The following PACC1 variants were observed in gnomAD, a reference collection of about 807,000 sequenced individuals.
PACC1 encodes the protein proton-activated chloride channel.
A neutral mutation model predicts 39.7 loss-of-function variants in PACC1; 34 were observed. The ratio of observed to expected loss-of-function variants is 0.86; its 90% CI spans 0.65 to 1.14. The LOEUF (loss-of-function observed/expected upper bound fraction) is 1.14, where lower values mean the gene tolerates loss of function less well. Ranked by LOEUF, PACC1 falls within the 50% of genes most tolerant of loss-of-function variation. The pLI, the probability that PACC1 is intolerant of heterozygous loss-of-function variation, is 0.00. For synonymous variants in PACC1, 127 were observed against 160.6 expected, an observed-to-expected ratio of 0.79 and a Z score of 1.58; for missense variants, 379 against 436.4, an observed-to-expected ratio of 0.87 and a Z score of 1.17.
rs139101293 is a variant in PACC1 at position 212,364,149 on chromosome 1, T to A, written c.*1066A>T. 96 of 152,332 alleles carry A rather than the reference T, an allele frequency of 6.3e-4. No individual in the cohort carries two copies. Among genetic ancestry groups the A allele is most frequent in the Middle Eastern group, 3.4e-3 (1 of 294 alleles). 9.4% of individuals were successfully genotyped at this position (152,332 alleles called of 1,614,324 possible). A position where few individuals can be genotyped will look rare whatever the true frequency, so the allele number is the denominator to read the frequency against. ...TTAATGTGAAAAATAGACTTTTTTT[T>A]AATGCATACTCATTTCTGTCAAAGG... On this transcript the variant is annotated 3_prime_UTR_variant, in exon 8 of 8. Coordinates refer to ENST00000261455, the MANE Select transcript of PACC1 (RefSeq NM_018252.3).
chr1:212,391,784 A>C (rs945755527), intron 2 of PACC1, among the ~76,000 whole-genome samples: 2 of 152,254 alleles, frequency 1.3e-5, no homozygotes, highest in Non-Finnish European at 2.9e-5. Context: ...CATGAGAACT[A>C]CATGATGAAT....
intron 2 of PACC1, among the ~76,000 whole-genome samples, chr1:212,395,742 A>G (rs1179757813): frequency 6.7e-6 from 1 of 149,936 alleles, no homozygotes; most frequent in African/African-American, 2.4e-5. Context: ...CATTTACAAG[A>G]AAAAAAAAAC....
Position 212,385,321 on chromosome 1 carries a change from T to TG in PACC1, c.447dup (p.Thr150HisfsTer44). Reference sequence around the variant, plus strand: ...TCCGTGTAGTTGATCCTCTGGGTGGTGCAATTCATGTCACCCGGCTGGCCA... The same window carrying TG: ...TCCGTGTAGTTGATCCTCTGGGTGGTGGCAATTCATGTCACCCGGCTGGCCA... On this transcript the variant is annotated frameshift_variant, in exon 4 of 8. Coordinates refer to ENST00000261455, the MANE Select transcript of PACC1 (RefSeq NM_018252.3). LOFTEE classifies it high-confidence loss of function. 1 of 1,613,998 alleles carries TG rather than the reference T, an allele frequency of 6.2e-7. No homozygotes were observed. The highest frequency in any genetic ancestry group is 8.5e-7 in the Non-Finnish European group (1 of 1,179,988).
intron 7 of PACC1, among the ~76,000 whole-genome samples, chr1:212,366,542 C>T (rs142164149): frequency 1.4e-4 from 22 of 151,998 alleles, no homozygotes; most frequent in Middle Eastern, 3.4e-3. Flanking sequence ...CCTCGTGATC[C>T]GCCTGCCTCA....
chr1:212,413,719 G>A (rs531848343), intron 1 of PACC1, among the ~76,000 whole-genome samples: 123 of 152,308 alleles, frequency 8.1e-4, no homozygotes, highest in South Asian at 1.9e-3. Context: ...GAGAAGTCTG[G>A]ACTGTTCTGG....
intron 3 of PACC1, among the ~76,000 whole-genome samples, chr1:212,385,879 C>G (rs1408785160): frequency 6.6e-6 from 1 of 152,186 alleles, no homozygotes; most frequent in East Asian, 1.9e-4. Flanking sequence ...GTCCCTCCCT[C>G]TTCCCAGCCC....
intron 2 of PACC1, among the ~76,000 whole-genome samples, chr1:212,393,636 A>G (rs1661407665): frequency 6.6e-6 from 1 of 152,204 alleles, no homozygotes; most frequent in Non-Finnish European, 1.5e-5. Flanking sequence ...CAAAATATCA[A>G]TGAATCCAGG....
At chr1:212,381,873 G>A (rs1224596161) in intron 4 of PACC1, among the ~76,000 whole-genome samples, 1 of 152,104 alleles carries the variant, frequency 6.6e-6, no homozygotes, top group Non-Finnish European at 1.5e-5. Flanking sequence ...TATCCTATGA[G>A]GCAGTACTGC....
chr1:212,392,612 G>A (rs1437282353), intron 2 of PACC1, among the ~76,000 whole-genome samples: 5 of 152,136 alleles, frequency 3.3e-5, no homozygotes, highest in Non-Finnish European at 5.9e-5. Flanking sequence ...AAATGTAAAT[G>A]GGCTAAATGC....
chr1:212,368,723 A>G (rs1035262828), intron 7 of PACC1, among the ~76,000 whole-genome samples: 1 of 151,932 alleles, frequency 6.6e-6, no homozygotes, highest in East Asian at 1.9e-4. Context: ...AATAGCCTCA[A>G]AAGGGTAAAT....
In PACC1 at chr1:212,382,173, G is replaced by C. The variant is rs561194476; in HGVS notation, c.496-2136C>G. On this transcript the variant is annotated intron_variant, in intron 4 of 7. Coordinates refer to ENST00000261455, the MANE Select transcript of PACC1 (RefSeq NM_018252.3). ...CCTGTCTTGCCCTCCCAAGTAGCTG[G>C]GACTACAGGCACGTGCCACTACACA... is the stretch of plus-strand genomic sequence containing the variant. Among the ~76,000 whole-genome samples the C allele has an allele frequency of 8.6e-5, 13 of 152,040 alleles. No homozygotes were observed. In the East Asian group the frequency reaches 1.2e-3, roughly 14 times the overall value.
rs555535381 is a variant in PACC1, at chr1:212,414,663, G to T, written c.36+59C>A. 1,243 of 1,602,210 alleles carry T rather than the reference G, an allele frequency of 7.8e-4. 2 individuals carry two copies. Among genetic ancestry groups the T allele is most frequent in the Non-Finnish European group, 9.9e-4 (1,159 of 1,170,684 alleles). On this transcript the variant is annotated intron_variant, in intron 1 of 7. Coordinates refer to ENST00000261455, the MANE Select transcript of PACC1 (RefSeq NM_018252.3). ...CACCCCCCGCCCCGCATCCGCCCAG[G>T]CCCCCGGGACCCTGCTCCTCCGCCT...
At chr1:212,365,403 A>G in intron 7 of PACC1, 27 bp from the exon 8 acceptor site, 1 of 1,394,272 alleles carries the variant, frequency 7.2e-7, no homozygotes, top group Non-Finnish European at 9.9e-7. Context: ...AACAAACAGG[A>G]TTACTGGTTT....
At chr1:212,390,434 A>G (rs1197614253) in intron 2 of PACC1, among the ~76,000 whole-genome samples, 1 of 151,604 alleles carries the variant, frequency 6.6e-6, no homozygotes, top group Non-Finnish European at 1.5e-5. Flanking sequence ...AAAAAGAAAA[A>G]AAAAAAAAAA....
At chr1:212,399,510 G>A (rs2102526135) in intron 2 of PACC1, among the ~76,000 whole-genome samples, 1 of 152,002 alleles carries the variant, frequency 6.6e-6, no homozygotes, top group East Asian at 1.9e-4. Context: ...CACTCAGGCT[G>A]GAGTGCGCTG....
chr1:212,398,076 T>G (rs976159304), intron 2 of PACC1, among the ~76,000 whole-genome samples: 5 of 152,166 alleles, frequency 3.3e-5, no homozygotes, highest in African/African-American at 1.2e-4. Context: ...CAAAATGCAT[T>G]ACACAGTGCC....
At chr1:212,401,002 G>C (rs1471165701) in intron 2 of PACC1, among the ~76,000 whole-genome samples, 1 of 152,184 alleles carries the variant, frequency 6.6e-6, no homozygotes, top group Non-Finnish European at 1.5e-5. Context: ...ACTAGGCTAA[G>C]AGGCATTCTG....
intron 2 of PACC1, among the ~76,000 whole-genome samples, chr1:212,394,402 A>G (rs1661437277): frequency 6.6e-6 from 1 of 152,248 alleles, no homozygotes; most frequent in Non-Finnish European, 1.5e-5. Flanking sequence ...CATGCTAAAA[A>G]CACCAATAAA....
Position 212,375,277 on chromosome 1 carries a change from G to C in PACC1, c.807C>G (p.Asp269Glu), listed in dbSNP as rs749818718. The stretch of plus-strand genomic sequence containing the variant: ...CACTTTTTTTGGCAGCTGGCCTCTG[G>C]TCAATGTAGTTAACCACACTTGTCT... ...RQETSVVNYI[D>E]QRPAAKKSAQ... The change falls in exon 7 of 8, where the codon GAC becomes GAG. Residue 269 changes from aspartate to glutamate, a missense_variant. Transcript: ENST00000261455. 25 of 1,613,682 alleles carry C rather than the reference G, an allele frequency of 1.5e-5. No homozygotes were observed. In the South Asian group the frequency reaches 2.6e-4, roughly 17 times the overall value.
Sources: allele counts gnomAD v4.1 joint callset (sites outside exome capture counted in the v4.1 genomes callset), GRCh38; gene constraint gnomAD v4.1.1; transcripts MANE v1.5; gene names NCBI Gene and HGNC (gene_info 2026-07-23, HGNC 2026-07-21).